Variants in SPATA6 observed in about 807,000 individuals in gnomAD.
SPATA6 encodes spermatogenesis-associated protein 6.
A neutral mutation model predicts 65.3 loss-of-function variants in SPATA6; 56 were observed. That is an observed-to-expected ratio of 0.86 (90% CI 0.69 to 1.07). The LOEUF is 1.07. SPATA6 is among the 50% of genes least tolerant of loss of function. SPATA6 has a pLI of 0.00. For synonymous variants in SPATA6, 199 were observed against 213.2 expected (o/e 0.93, Z 0.58); for missense variants, 590 against 594.8 (o/e 0.99, Z 0.08).
the SPATA6 span, among the ~76,000 whole-genome samples, chr1:48,284,830 A>G: frequency 6.6e-6 from 1 of 152,068 alleles, no homozygotes; most frequent in Non-Finnish European, 1.5e-5. Context: ...CATCCACCAG[A>G]TGTCAGCCAG....
At chr1:48,308,541 T>C (rs1490573407) in intron 11 of SPATA6, among the ~76,000 whole-genome samples, 1 of 152,180 alleles carries the variant, frequency 6.6e-6, no homozygotes, top group Non-Finnish European at 1.5e-5. Flanking sequence ...ACCATTATCA[T>C]TGCTCTTTAT....
intron 9 of SPATA6, among the ~76,000 whole-genome samples, chr1:48,363,453 C>T (rs753564188): frequency 1.1e-4 from 16 of 152,054 alleles, no homozygotes; most frequent in East Asian, 1.9e-4. Context: ...TTAAGGCTTT[C>T]GTTTCCTTAC....
intron 2 of SPATA6, among the ~76,000 whole-genome samples, chr1:48,452,280 A>G (rs1021423300): frequency 2.0e-5 from 3 of 152,216 alleles, no homozygotes; most frequent in African/African-American, 7.2e-5. Context: ...AGTGAGAAAG[A>G]AGGAAATTAA....
chr1:48,442,717 T>G (rs1332690267), intron 3 of SPATA6, among the ~76,000 whole-genome samples: 1 of 46,212 alleles, frequency 2.2e-5, no homozygotes, highest in South Asian at 1.3e-3. Flanking sequence ...ATGGAAGTAG[T>G]AAAAAAAAAA....
chr1:48,270,725 GA>G, the SPATA6 span, among the ~76,000 whole-genome samples: 604 of 136,124 alleles, frequency 4.4e-3, 2 homozygotes, highest in African/African-American at 0.013. Context: ...AGAAGAAGAG[GA>G]AAAAAAAAAA....
chr1:48,378,190 A>T (rs1258962863), intron 9 of SPATA6, among the ~76,000 whole-genome samples: 2 of 152,222 alleles, frequency 1.3e-5, no homozygotes, highest in Non-Finnish European at 2.9e-5. Flanking sequence ...ACCAGTTGTT[A>T]TCTTAATGTA....
intron 2 of SPATA6, 74 bp from the exon 3 acceptor site, chr1:48,451,674 C>T: frequency 7.2e-7 from 1 of 1,396,692 alleles, no homozygotes; most frequent in Middle Eastern, 1.8e-4. Context: ...CCCAAAATAT[C>T]ATTCCTTTCA....
intron 11 of SPATA6, 41 bp from the exon 12 acceptor site, chr1:48,305,919 T>C (rs1370417378): frequency 6.7e-7 from 1 of 1,492,646 alleles, no homozygotes; most frequent in Admixed American, 1.7e-5. Flanking sequence ...ACTGTCTCAT[T>C]GTCCCCAAAA....
intron 9 of SPATA6, among the ~76,000 whole-genome samples, chr1:48,378,563 G>A (rs1648192016): frequency 6.6e-6 from 1 of 152,140 alleles, no homozygotes; most frequent in Non-Finnish European, 1.5e-5. Flanking sequence ...GGAGGTGAAA[G>A]GCACTTCTTA....
the SPATA6 span, among the ~76,000 whole-genome samples, chr1:48,278,626 T>A: frequency 6.6e-6 from 1 of 152,026 alleles, no homozygotes; most frequent in Non-Finnish European, 1.5e-5. Context: ...AAGGGAAGTT[T>A]AGAGGAAAAA....
intron 12 of SPATA6, among the ~76,000 whole-genome samples, chr1:48,300,902 G>C (rs1424613361): frequency 6.6e-6 from 1 of 151,946 alleles, no homozygotes; most frequent in Non-Finnish European, 1.5e-5. Context: ...GGCATGGAAG[G>C]AACATACCTC....
At chr1:48,283,118 G>A in the SPATA6 span, among the ~76,000 whole-genome samples, 1 of 145,668 alleles carries the variant, frequency 6.9e-6, no homozygotes, top group African/African-American at 2.6e-5. Flanking sequence ...TTACTCATAG[G>A]TGGGAATTGA....
In SPATA6 at chr1:48,305,395, G is replaced by C. The variant is rs118146553; in HGVS notation, c.1286+392C>G. 2.1e-3 allele frequency among the ~76,000 whole-genome samples: 314 copies of C among 152,128 alleles called. 10 individuals are homozygous for C. In the East Asian group the frequency reaches 0.056, roughly 27 times the overall value. On this transcript the variant is annotated intron_variant, in intron 12 of 12. Coordinates refer to ENST00000371847, the MANE Select transcript of SPATA6 (RefSeq NM_019073.4). ...TGATGAAATTTGCTCATATAAACTT[G>C]TACAAATGTTATTATTAACATTCCT...
intron 9 of SPATA6, among the ~76,000 whole-genome samples, chr1:48,362,005 G>A (rs1262828234): frequency 1.3e-5 from 2 of 152,068 alleles, no homozygotes; most frequent in Non-Finnish European, 1.5e-5. Flanking sequence ...AAATAAAATT[G>A]CTCCATTTTT....
chr1:48,321,279 A>C (rs1645591694), intron 11 of SPATA6, among the ~76,000 whole-genome samples: 1 of 152,178 alleles, frequency 6.6e-6, no homozygotes, highest in Admixed American at 6.5e-5. Flanking sequence ...TCTTGCCTAC[A>C]AGAAACACAC....
chr1:48,456,824 T>C (rs1657041376), intron 1 of SPATA6, among the ~76,000 whole-genome samples: 2 of 152,168 alleles, frequency 1.3e-5, no homozygotes, highest in South Asian at 4.1e-4. Context: ...ATTAAAATTA[T>C]CCAGTCTGAT....
chr1:48,322,652 AT>A (rs1461530916), intron 11 of SPATA6, among the ~76,000 whole-genome samples: 8 of 152,200 alleles, frequency 5.3e-5, no homozygotes, highest in Non-Finnish European at 1.2e-4. Context: ...ATAGGAGAAA[AT>A]TTTTGCAATC....
intron 1 of SPATA6, among the ~76,000 whole-genome samples, chr1:48,469,472 T>TTATATA (rs59371419): frequency 4.8e-4 from 70 of 144,458 alleles, no homozygotes; most frequent in African/African-American, 1.7e-3. Flanking sequence ...AAATATCTAT[T>TTATATA]TATATATATA....
chr1:48,466,626 T>A (rs1233633358), intron 1 of SPATA6, among the ~76,000 whole-genome samples: 1 of 151,618 alleles, frequency 6.6e-6, no homozygotes, highest in African/African-American at 2.4e-5. Flanking sequence ...TATCATTTGT[T>A]AAATGGGGGG....
Sources: gnomAD v4.1 joint callset for allele counts (sites outside exome capture counted in the v4.1 genomes callset) on GRCh38, gnomAD v4.1.1 for gene constraint, MANE v1.5 for transcripts, NCBI Gene and HGNC (gene_info 2026-07-23, HGNC 2026-07-21) for gene names.